TC2N: variants seen among roughly 807,000 people sequenced by gnomAD.
TC2N encodes the protein tandem C2 domains nuclear protein.
A neutral mutation model predicts 61.9 loss-of-function variants in TC2N; 51 were observed. The ratio of observed to expected loss-of-function variants is 0.82; its 90% confidence interval spans 0.66 to 1.04. The LOEUF (loss-of-function observed/expected upper bound fraction) is 1.04. Among genes scored for constraint, TC2N ranks in the 50% least tolerant of loss-of-function variants. The pLI is 0.00. For synonymous variants in TC2N, 204 were observed against 192.6 expected (o/e 1.06, Z -0.49); for missense variants, 556 against 566.7 (o/e 0.98, Z 0.19).
chr14:91,825,496 T>C (rs1842500159), intron 1 of TC2N, among the ~76,000 whole-genome samples: 1 of 152,190 alleles, frequency 6.6e-6, no homozygotes, highest in South Asian at 2.1e-4. Flanking sequence ...TAAGTAATGC[T>C]ATATCTCTCT....
chr14:91,787,246 A>G (rs1377815394), intron 10 of TC2N, among the ~76,000 whole-genome samples: 1 of 152,226 alleles, frequency 6.6e-6, no homozygotes, highest in Non-Finnish European at 1.5e-5. Flanking sequence ...AAAATCCTCT[A>G]GACATTCAAC....
At chr14:91,826,413 GA>G (rs1303545908) in intron 1 of TC2N, among the ~76,000 whole-genome samples, 1 of 149,904 alleles carries the variant, frequency 6.7e-6, no homozygotes, top group Non-Finnish European at 1.5e-5. Flanking sequence ...CATCTAAAAA[GA>G]AAACTCCAAC....
chr14:91,814,871 T>C (rs1305626034), intron 1 of TC2N, among the ~76,000 whole-genome samples: 1 of 151,654 alleles, frequency 6.6e-6, no homozygotes. Context: ...CAAAAATAAC[T>C]ATGTCAGGTA....
At position 91,837,368 on chromosome 14, in the gene TC2N, A is replaced by C. The variant is rs78643977; in HGVS notation, c.-56-23543T>G. Among the ~76,000 whole-genome samples the C allele has an allele frequency of 0.016, 2,419 of 152,144 alleles. 30 individuals carry two copies. Among genetic ancestry groups the C allele is most frequent in the Non-Finnish European group, 0.025 (1,667 of 68,002 alleles). ...CCAAGTAGCTGGGAATACAGGCGCGAGCCAGCATGCCAGGCTAATTTTTTA... is the reference window on the plus strand; with the variant it reads ...CCAAGTAGCTGGGAATACAGGCGCGCGCCAGCATGCCAGGCTAATTTTTTA... On this transcript the variant is annotated intron_variant, in intron 1 of 11. Transcript: ENST00000435962. The surrounding 1 kb of genome is among the most constrained non-coding windows in gnomAD (Gnocchi z 4.2).
chr14:91,786,327 G>C (rs1330547153), intron 10 of TC2N, among the ~76,000 whole-genome samples: 1 of 152,132 alleles, frequency 6.6e-6, no homozygotes, highest in Non-Finnish European at 1.5e-5. Context: ...GGTGACATTA[G>C]TCTATAATTA....
chr14:91,804,244 T>C (rs1004528241), intron 3 of TC2N, among the ~76,000 whole-genome samples: 1 of 152,158 alleles, frequency 6.6e-6, no homozygotes, highest in African/African-American at 2.4e-5. Flanking sequence ...CTAGTGGAAA[T>C]GTAAATTGAT....
intron 1 of TC2N, among the ~76,000 whole-genome samples, chr14:91,825,182 C>T (rs1181989186): frequency 3.3e-5 from 5 of 151,566 alleles, no homozygotes; most frequent in Admixed American, 6.6e-5. Flanking sequence ...TACAGGCACC[C>T]GCTACCATGC....
intron 3 of TC2N, among the ~76,000 whole-genome samples, chr14:91,810,802 G>T (rs573902782): frequency 6.6e-6 from 1 of 150,484 alleles, no homozygotes; most frequent in Non-Finnish European, 1.5e-5. Context: ...GATAACAGAC[G>T]AGACAGTGAA....
intron 10 of TC2N, among the ~76,000 whole-genome samples, chr14:91,786,667 C>T (rs978175209): frequency 6.6e-6 from 1 of 152,118 alleles, no homozygotes; most frequent in African/African-American, 2.4e-5. Context: ...TATGGTATTG[C>T]TTTATACATG....
intron 1 of TC2N, among the ~76,000 whole-genome samples, chr14:91,865,841 C>T (rs998411785): frequency 7.2e-5 from 11 of 151,890 alleles, no homozygotes; most frequent in African/African-American, 2.7e-4. Context: ...CCAGTTTTGT[C>T]GTGTATGCTG....
chr14:91,814,256 G>C (rs1426031290), intron 1 of TC2N, among the ~76,000 whole-genome samples: 1 of 150,582 alleles, frequency 6.6e-6, no homozygotes, highest in East Asian at 1.9e-4. Context: ...AAAAGAAAGA[G>C]GTAAACTAGG....
intron 1 of TC2N, among the ~76,000 whole-genome samples, chr14:91,832,218 G>A (rs1268441028): frequency 1.3e-5 from 2 of 151,826 alleles, no homozygotes; most frequent in Admixed American, 6.6e-5. Context: ...GTAAAAACCC[G>A]TCTCTACTAA....
chr14:91,848,846 C>T (rs1888319832), intron 1 of TC2N, among the ~76,000 whole-genome samples: 1 of 152,198 alleles, frequency 6.6e-6, no homozygotes. Flanking sequence ...GTATGCCTAG[C>T]TCTTCATAGT....
chr14:91,822,198 T>C (rs1319771333), intron 1 of TC2N, among the ~76,000 whole-genome samples: 2 of 152,238 alleles, frequency 1.3e-5, no homozygotes, highest in East Asian at 1.9e-4. Context: ...AGTTGTACAC[T>C]GGTGTTCATA....
At chr14:91,864,585 C>T (rs1437650288) in intron 1 of TC2N, among the ~76,000 whole-genome samples, 4 of 152,156 alleles carry the variant, frequency 2.6e-5, no homozygotes, top group Admixed American at 6.5e-5. Flanking sequence ...AGGTTGGAAA[C>T]GAAGACTTAG....
At chr14:91,851,288 T>C (rs1888370223) in intron 1 of TC2N, among the ~76,000 whole-genome samples, 1 of 152,132 alleles carries the variant, frequency 6.6e-6, no homozygotes, top group Admixed American at 6.5e-5. Context: ...AGGGTGTGTA[T>C]AAATATTAAC....
intron 1 of TC2N, among the ~76,000 whole-genome samples, chr14:91,838,202 G>C (rs1256334382): frequency 6.7e-6 from 1 of 150,104 alleles, no homozygotes; most frequent in Non-Finnish European, 1.5e-5. Flanking sequence ...GATTGCAGTG[G>C]CACAATCATA....
At chr14:91,838,294 C>T (rs1395961405) in intron 1 of TC2N, among the ~76,000 whole-genome samples, 1 of 152,078 alleles carries the variant, frequency 6.6e-6, no homozygotes, top group East Asian at 1.9e-4. Context: ...CAGGCACATA[C>T]CACCACGCCT....
In TC2N at chr14:91,798,977, T is replaced by C; in HGVS notation, c.637+12A>G. 1.3e-6 allele frequency: 2 copies of C among 1,569,690 alleles called. No individual in the cohort carries two copies. The highest frequency in any genetic ancestry group is 1.4e-5 in the African/African-American group (1 of 73,420). The stretch of plus-strand genomic sequence containing the variant: ...TCTTAAGAGTATAAAAGTAGGATAC[T>C]TTATTCCTTACCCAGGCTTCTGTTA... On this transcript the variant is annotated intron_variant, in intron 6 of 11. Coordinates refer to ENST00000435962, the MANE Select transcript of TC2N (RefSeq NM_001128596.3).
Sources: gnomAD v4.1 joint callset for allele counts (sites outside exome capture counted in the v4.1 genomes callset) on GRCh38, gnomAD v4.1.1 for gene constraint, Gnocchi (gnomAD v3.1) non-coding constraint, MANE v1.5 for transcripts, NCBI Gene and HGNC (gene_info 2026-07-23, HGNC 2026-07-21) for gene names.